GALNT9: variants seen among roughly 807,000 people sequenced by gnomAD.
GALNT9 encodes the protein polypeptide N-acetylgalactosaminyltransferase 9.
A neutral mutation model predicts 63.1 loss-of-function variants in GALNT9; 47 were observed. The observed-to-expected ratio is 0.75, with a 90% CI of 0.59 to 0.95. The LOEUF is 0.95. Among genes scored for constraint, GALNT9 ranks in the 40% least tolerant of loss-of-function variants. The probability of loss-of-function intolerance (pLI) is 0.00; values close to 1 mark genes in which losing one functional copy is unlikely to be tolerated. For missense variants in GALNT9, 829 were observed against 874.8 expected (o/e 0.95, Z 0.66); for synonymous variants, 396 against 365.7 (o/e 1.08, Z -0.94).
At chr12:132,257,089 CT>C (rs1555239145) in intron 5 of GALNT9, among the ~76,000 whole-genome samples, 1 of 152,216 alleles carries the variant, frequency 6.6e-6, no homozygotes, top group Non-Finnish European at 1.5e-5. Flanking sequence ...GAGCCTGCTC[CT>C]GCCACAGCTC....
At position 132,205,041 on chromosome 12, in the gene GALNT9, G is replaced by A. The variant is rs551536878; in HGVS notation, c.1078-1351C>T. ...GCCGAGGGTGGTGCCAACTGCAGGG[G>A]CGCACGGGGTGGAGCCTCTGCCCAG... On this transcript the variant is annotated intron_variant, in intron 6 of 10. Transcript: ENST00000328957. Among the ~76,000 whole-genome samples the A allele has an allele frequency of 6.6e-5, 10 of 152,284 alleles. No homozygotes were observed. In the South Asian group the frequency reaches 2.1e-3, roughly 32 times the overall value.
At chr12:132,312,419 G>T (rs1881845714) in intron 1 of GALNT9, among the ~76,000 whole-genome samples, 2 of 152,244 alleles carry the variant, frequency 1.3e-5, no homozygotes, top group South Asian at 4.1e-4. Flanking sequence ...ACCCAGGTTT[G>T]GGTTTAAGGG....
intron 6 of GALNT9, among the ~76,000 whole-genome samples, chr12:132,211,258 GTT>G (rs1377341208): frequency 6.6e-6 from 1 of 152,176 alleles, no homozygotes; most frequent in Non-Finnish European, 1.5e-5. Context: ...CTTTCCAAGA[GTT>G]TGTCAAATCC....
Position 132,327,279 on chromosome 12 carries a change from T to G in GALNT9, c.238+1687A>C, listed in dbSNP as rs1484596117. Among the ~76,000 whole-genome samples, 2 of 37,408 alleles carry G rather than the reference T, an allele frequency of 5.3e-5. No individual in the cohort carries two copies. The highest frequency in any genetic ancestry group is 1.1e-4 in the African/African-American group (1 of 9,170). The allele number at this position is 37,408 out of a possible 152,430, so 24.5% of individuals were successfully genotyped here. On this transcript the variant is annotated intron_variant, in intron 1 of 10. Coordinates refer to ENST00000328957, the MANE Select transcript of GALNT9 (RefSeq NM_001122636.2). The surrounding 1 kb of genome is among the most constrained non-coding windows in gnomAD (Gnocchi z 4.3). Reference sequence around the variant, plus strand: ...GAGGAAGCGGGATGGGAGAAGGCAGTGGGGGCGGTGGGCGGTGGGGGGAGA... The same window carrying G: ...GAGGAAGCGGGATGGGAGAAGGCAGGGGGGGCGGTGGGCGGTGGGGGGAGA...
At chr12:132,308,193 G>A (rs1418370884) in intron 1 of GALNT9, among the ~76,000 whole-genome samples, 1 of 152,224 alleles carries the variant, frequency 6.6e-6, no homozygotes, top group Admixed American at 6.5e-5. Flanking sequence ...GGGAAGGACA[G>A]ACCCTCCCTG....
In GALNT9 at chr12:132,286,472, A is replaced by C. The variant is rs1344296395; in HGVS notation, c.239-42T>G. 5.3e-6 allele frequency: 8 copies of C among 1,520,340 alleles called. No homozygotes were observed. In the African/African-American group the frequency reaches 6.9e-5, roughly 13 times the overall value. The allele number at this position is 1,520,340 out of a possible 1,614,324, so 94.2% of individuals were successfully genotyped here. ...GAGGGAGGTCAGGCAGGCCCAGGAC[A>C]CGCTGCGTCTGCACCCAGGAGACGC... On this transcript the variant is annotated intron_variant, in intron 1 of 10. Coordinates refer to ENST00000328957, the MANE Select transcript of GALNT9 (RefSeq NM_001122636.2). The surrounding 1 kb of genome is among the most constrained non-coding windows in gnomAD (Gnocchi z 7.4).
intron 1 of GALNT9, among the ~76,000 whole-genome samples, chr12:132,295,133 C>G (rs1881006211): frequency 6.6e-6 from 1 of 152,218 alleles, no homozygotes; most frequent in Non-Finnish European, 1.5e-5. Flanking sequence ...GCTGCCACAG[C>G]CCAGGGGCCA....
intron 9 of GALNT9, among the ~76,000 whole-genome samples, chr12:132,198,516 C>T (rs1247106847): frequency 6.7e-6 from 1 of 149,808 alleles, no homozygotes; most frequent in African/African-American, 2.5e-5. Context: ...GCACTATTGC[C>T]GTGTTAATCC....
intron 2 of GALNT9, among the ~76,000 whole-genome samples, chr12:132,263,513 G>T (rs1252369415): frequency 6.6e-6 from 1 of 152,098 alleles, no homozygotes; most frequent in Non-Finnish European, 1.5e-5. Flanking sequence ...CCAGGGGGAG[G>T]GGGGCAGGGC....
At chr12:132,318,673 A>C (rs1031020230) in intron 1 of GALNT9, among the ~76,000 whole-genome samples, 1 of 152,234 alleles carries the variant, frequency 6.6e-6, no homozygotes, top group Non-Finnish European at 1.5e-5. Flanking sequence ...CTGGGCCTGC[A>C]GCCCCGTGTG....
chr12:132,312,894 G>A lies in GALNT9; in HGVS notation c.238+16072C>T, dbSNP rs1881863688. Among the ~76,000 whole-genome samples, 5 of 152,236 alleles carry A rather than the reference G, an allele frequency of 3.3e-5. No homozygotes were observed. The South Asian group carries it at 1.0e-3, about 32-fold the overall frequency. ...GGTTGTCAGCCCAAAACTTGTGTCA[G>A]TCTGGGCTGCTCAACTCCACATGGA... On this transcript the variant is annotated intron_variant, in intron 1 of 10. Transcript: ENST00000328957.
In GALNT9 at chr12:132,252,823, T is replaced by C. The variant is rs28557297; in HGVS notation, c.960-4796A>G. 0.15 allele frequency among the ~76,000 whole-genome samples: 22,574 copies of C among 150,562 alleles called. 1,754 individuals are homozygous for C. The highest frequency in any genetic ancestry group is 0.28 in the Middle Eastern group (82 of 290). ...GCTTGAACCTGGGAGGCGGAGGTTG[T>C]GGTGAGCCGAGATCGCACCACTGCA... On this transcript the variant is annotated intron_variant, in intron 5 of 10. Transcript: ENST00000328957. The surrounding 1 kb of genome is among the most constrained non-coding windows in gnomAD (Gnocchi z 5.2).
At chr12:132,200,289 C>G (rs1315350555) in intron 8 of GALNT9, 1 of 152,334 alleles carries the variant, frequency 6.6e-6, no homozygotes, top group African/African-American at 2.4e-5. Context: ...CCATCCCCTG[C>G]ACAGACTGGG....
Position 132,295,624 on chromosome 12 carries a change from C to T in GALNT9, c.239-9194G>A, listed in dbSNP as rs1881027767. The stretch of plus-strand genomic sequence containing the variant: ...ATGATGTGGCCCCCAGCCAGGGATG[C>T]CCAGGTCACCAGGAGCTGGAAGAGG... On this transcript the variant is annotated intron_variant, in intron 1 of 10. Coordinates refer to ENST00000328957, the MANE Select transcript of GALNT9 (RefSeq NM_001122636.2). Among the ~76,000 whole-genome samples the T allele has an allele frequency of 2.0e-5, 3 of 152,342 alleles. No individual in the cohort carries two copies. The South Asian group carries it at 6.2e-4, about 32-fold the overall frequency.
At chr12:132,240,643 C>A (rs1293658617) in intron 6 of GALNT9, 4 of 449,376 alleles carry the variant, frequency 8.9e-6, no homozygotes, top group Non-Finnish European at 1.8e-5. Flanking sequence ...GGCCTCGGAC[C>A]TGCTCCTCTT....
At chr12:132,318,382 C>T (rs568384711) in intron 1 of GALNT9, among the ~76,000 whole-genome samples, 1 of 152,262 alleles carries the variant, frequency 6.6e-6, no homozygotes, top group African/African-American at 2.4e-5. Flanking sequence ...CACATGGATG[C>T]CTCTCTTCAG....
At chr12:132,299,283 C>CATG in intron 1 of GALNT9, among the ~76,000 whole-genome samples, 1 of 144,120 alleles carries the variant, frequency 6.9e-6, no homozygotes, top group Admixed American at 6.8e-5. Flanking sequence ...AACTCACTCC[C>CATG]ATAACTCACC....
At chr12:132,206,475 C>T (rs886858196) in intron 6 of GALNT9, among the ~76,000 whole-genome samples, 3 of 152,114 alleles carry the variant, frequency 2.0e-5, no homozygotes, top group Non-Finnish European at 2.9e-5. Context: ...GATGAAACCC[C>T]ATGTCTACTA....
intron 1 of GALNT9, among the ~76,000 whole-genome samples, chr12:132,288,788 G>A (rs1880701445): frequency 6.6e-6 from 1 of 151,538 alleles, no homozygotes; most frequent in Non-Finnish European, 1.5e-5. Context: ...GCTGCCCGAT[G>A]CCCAGCGTTG....
Sources: allele counts gnomAD v4.1 joint callset (sites outside exome capture counted in the v4.1 genomes callset), GRCh38; gene constraint gnomAD v4.1.1; non-coding constraint Gnocchi (gnomAD v3.1); transcripts MANE v1.5; gene names NCBI Gene and HGNC (gene_info 2026-07-23, HGNC 2026-07-21).